MTMR3: variants seen among roughly 807,000 people sequenced by gnomAD.
MTMR3 encodes the protein myotubularin related protein 3, also known as phosphatidylinositol-3,5-bisphosphate 3-phosphatase MTMR3.
A neutral mutation model predicts 132.4 loss-of-function variants in MTMR3; 32 were observed. That is an observed-to-expected ratio of 0.24 (90% confidence interval 0.18 to 0.32). MTMR3 has a LOEUF of 0.32. MTMR3 is among the 10% of genes least tolerant of loss of function. MTMR3 has a pLI of 1.00. For missense variants in MTMR3, 1,216 were observed against 1,489.6 expected, an observed-to-expected ratio of 0.82 and a Z score of 3.02; for synonymous variants, 556 against 550.3, an observed-to-expected ratio of 1.01 and a Z score of -0.14.
At chr22:30,019,194 C>G in intron 16 of MTMR3, 4 of 274,786 alleles carry the variant, frequency 1.5e-5, no homozygotes, top group Non-Finnish European at 2.8e-5. Flanking sequence ...CAGAGTGAGA[C>G]TCCGTCTCAA....
chr22:29,971,242 C>T (rs2066529594), intron 3 of MTMR3, among the ~76,000 whole-genome samples, 180 bp downstream of exon 3: 1 of 151,904 alleles, frequency 6.6e-6, no homozygotes, highest in African/African-American at 2.4e-5. Flanking sequence ...TAGAGTACTC[C>T]AATATACAGA....
chr22:30,012,603 G>A (rs991112108), intron 13 of MTMR3, 40 bp downstream of exon 13: 1 of 1,546,172 alleles, frequency 6.5e-7, no homozygotes, highest in Non-Finnish European at 8.7e-7. Flanking sequence ...ACTTCAGGAT[G>A]AGCCAGGGAA....
chr22:29,939,727 A>G (rs945054421), intron 1 of MTMR3, among the ~76,000 whole-genome samples: 1 of 151,932 alleles, frequency 6.6e-6, no homozygotes, highest in Non-Finnish European at 1.5e-5. Flanking sequence ...GTATGGCCGT[A>G]GGCAGTATGG....
chr22:29,903,392 T>TTC (rs1259117819), intron 1 of MTMR3, among the ~76,000 whole-genome samples: 7 of 135,048 alleles, frequency 5.2e-5, no homozygotes, highest in African/African-American at 1.3e-4. Flanking sequence ...TTTTCTTTCT[T>TTC]TTTTTTTTTT....
chr22:29,900,267 A>G (rs1397437198), intron 1 of MTMR3, among the ~76,000 whole-genome samples: 1 of 152,066 alleles, frequency 6.6e-6, no homozygotes, highest in Non-Finnish European at 1.5e-5. Context: ...CCTTCACATT[A>G]TTGTTTCTTT....
chr22:29,938,254 C>T (rs2065788640), intron 1 of MTMR3, among the ~76,000 whole-genome samples: 1 of 152,304 alleles, frequency 6.6e-6, no homozygotes, highest in African/African-American at 2.4e-5. Context: ...CCATGCTTTG[C>T]GTAAAGAAAC....
At chr22:29,946,240 C>G (rs1431363035) in intron 1 of MTMR3, among the ~76,000 whole-genome samples, 1 of 152,018 alleles carries the variant, frequency 6.6e-6, no homozygotes, top group Non-Finnish European at 1.5e-5. Context: ...AACTGTGATT[C>G]CCAAAGGAGT....
intron 2 of MTMR3, among the ~76,000 whole-genome samples, chr22:29,963,000 G>A (rs778966368): frequency 7.4e-5 from 11 of 149,388 alleles, no homozygotes; most frequent in Admixed American, 1.3e-4. Flanking sequence ...CTGAAACCTC[G>A]CCACTGCATC....
At chr22:29,949,382 G>A (rs2145829327) in intron 1 of MTMR3, among the ~76,000 whole-genome samples, 1 of 150,810 alleles carries the variant, frequency 6.6e-6, no homozygotes, top group Non-Finnish European at 1.5e-5. Context: ...TGTAGTCCCA[G>A]CTATTCAGGA....
At chr22:29,975,860 C>T (rs953847130) in intron 3 of MTMR3, among the ~76,000 whole-genome samples, 1 of 152,222 alleles carries the variant, frequency 6.6e-6, no homozygotes, top group Non-Finnish European at 1.5e-5. Context: ...CCCACTGTAG[C>T]CCCCCAAAGT....
At chr22:29,978,760 A>G (rs974710253) in intron 4 of MTMR3, among the ~76,000 whole-genome samples, 176 bp from the exon 5 acceptor site, 1 of 152,188 alleles carries the variant, frequency 6.6e-6, no homozygotes, top group Non-Finnish European at 1.5e-5. Context: ...TTGAATAACT[A>G]GATATATTTG....
chr22:29,951,192 A>T (rs549494181), intron 1 of MTMR3, among the ~76,000 whole-genome samples: 1 of 152,216 alleles, frequency 6.6e-6, no homozygotes, highest in Admixed American at 6.5e-5. Context: ...TGTAGAAGGG[A>T]ATATAAGGAG....
intron 12 of MTMR3, chr22:30,011,961 CTTG>C (rs2067441857): frequency 6.5e-6 from 1 of 152,798 alleles, no homozygotes; most frequent in Non-Finnish European, 1.4e-5. Context: ...TTTTTGAGAA[CTTG>C]TTGGGCGTAG....
At chr22:29,952,541 T>C (rs2066104509) in intron 1 of MTMR3, among the ~76,000 whole-genome samples, 1 of 152,164 alleles carries the variant, frequency 6.6e-6, no homozygotes, top group African/African-American at 2.4e-5. Context: ...CTAGGAGCGT[T>C]GAGCCCTGTG....
chr22:30,002,532 G>A (rs371175846), intron 8 of MTMR3: 196 of 173,622 alleles, frequency 1.1e-3, no homozygotes, highest in Middle Eastern at 5.8e-3. Context: ...CAGAAGAGTT[G>A]TAATGGAGTA....
At chr22:29,910,256 C>A (rs2065184405) in intron 1 of MTMR3, among the ~76,000 whole-genome samples, 1 of 152,030 alleles carries the variant, frequency 6.6e-6, no homozygotes, top group African/African-American at 2.4e-5. Context: ...GAGTGTACAT[C>A]CAAATCCAGT....
At chr22:29,959,051 T>A (rs961153347) in intron 2 of MTMR3, among the ~76,000 whole-genome samples, 1 of 152,208 alleles carries the variant, frequency 6.6e-6, no homozygotes, top group African/African-American at 2.4e-5. Flanking sequence ...GAGGTATTCT[T>A]TGCAAGTATA....
chr22:29,925,689 G>T (rs2065502264), intron 1 of MTMR3, among the ~76,000 whole-genome samples: 3 of 152,078 alleles, frequency 2.0e-5, no homozygotes, highest in Non-Finnish European at 4.4e-5. Context: ...GCTGAGATGG[G>T]TGGATCACTT....
At chr22:29,974,112 C>T (rs537628864) in intron 3 of MTMR3, among the ~76,000 whole-genome samples, 191 of 152,316 alleles carry the variant, frequency 1.3e-3, no homozygotes, top group African/African-American at 4.1e-3. Context: ...TGGTGTTCCT[C>T]AGCAGTACCA....
Sources: allele counts gnomAD v4.1 joint callset (sites outside exome capture counted in the v4.1 genomes callset), GRCh38; gene constraint gnomAD v4.1.1; transcripts MANE v1.5; gene names NCBI Gene and HGNC (gene_info 2026-07-23, HGNC 2026-07-21).